The following CNNM1 variants were observed in gnomAD, a reference collection of about 807,000 sequenced individuals.
CNNM1 encodes metal transporter CNNM1.
A neutral mutation model predicts 78.8 loss-of-function variants in CNNM1; 44 were observed. That is an observed-to-expected ratio of 0.56 (90% CI 0.44 to 0.72). The LOEUF (loss-of-function observed/expected upper bound fraction) is 0.72, where lower values mean the gene tolerates loss of function less well. Among genes scored for constraint, CNNM1 ranks in the 30% least tolerant of loss-of-function variants. The probability of loss-of-function intolerance (pLI) is 0.00; values close to 1 mark genes in which losing one functional copy is unlikely to be tolerated. For synonymous variants in CNNM1, 584 were observed against 581.5 expected, an observed-to-expected ratio of 1.00 and a Z score of -0.06; for missense variants, 1,101 against 1,292.2, an observed-to-expected ratio of 0.85 and a Z score of 2.27.
intron 1 of CNNM1, among the ~76,000 whole-genome samples, chr10:99,340,160 G>A (rs1474407160): frequency 1.3e-5 from 2 of 152,118 alleles, no homozygotes; most frequent in Non-Finnish European, 2.9e-5. Flanking sequence ...TAAACTTGTG[G>A]GGTTTTTTTC....
At chr10:99,390,248 T>C (rs1292298344) in intron 9 of CNNM1, 58 bp from the exon 10 acceptor site, 7 of 1,241,648 alleles carry the variant, frequency 5.6e-6, no homozygotes, top group Non-Finnish European at 5.8e-6. Flanking sequence ...AATCACCCTC[T>C]CTTGATGCCT....
chr10:99,377,901 G>A (rs1265946563), intron 7 of CNNM1, among the ~76,000 whole-genome samples: 1 of 151,884 alleles, frequency 6.6e-6, no homozygotes, highest in African/African-American at 2.4e-5. Flanking sequence ...CCCCTCACTG[G>A]GATTGGCATT....
chr10:99,372,899 G>C (rs551023267), intron 6 of CNNM1, among the ~76,000 whole-genome samples: 3 of 151,996 alleles, frequency 2.0e-5, no homozygotes, highest in Admixed American at 2.0e-4. Context: ...CAATTGTATC[G>C]TTTGGTGTTG....
At chr10:99,331,650 C>A (rs867146973) in intron 1 of CNNM1, among the ~76,000 whole-genome samples, 3 of 152,092 alleles carry the variant, frequency 2.0e-5, no homozygotes, top group Non-Finnish European at 4.4e-5. Context: ...GAGGATTACT[C>A]GAGCCCAGGA....
intron 7 of CNNM1, among the ~76,000 whole-genome samples, chr10:99,386,831 G>T (rs73328368): frequency 0.035 from 5,351 of 152,218 alleles, 287 homozygotes; most frequent in African/African-American, 0.12. Flanking sequence ...TACCAATTCT[G>T]CCCCAAAGGA....
intron 1 of CNNM1, among the ~76,000 whole-genome samples, chr10:99,350,755 C>T (rs946394572): frequency 1.3e-5 from 2 of 152,118 alleles, no homozygotes; most frequent in Non-Finnish European, 2.9e-5. Flanking sequence ...GTATTAAGCC[C>T]AGCATACATT....
intron 1 of CNNM1, among the ~76,000 whole-genome samples, chr10:99,333,940 GAAGC>G: frequency 6.6e-6 from 1 of 152,338 alleles, no homozygotes; most frequent in Non-Finnish European, 1.5e-5. Context: ...GCACTAAAGA[GAAGC>G]AAGCCATTAC....
intron 2 of CNNM1, among the ~76,000 whole-genome samples, chr10:99,359,777 G>C (rs1014773139): frequency 2.6e-5 from 4 of 152,014 alleles, no homozygotes; most frequent in Non-Finnish European, 5.9e-5. Flanking sequence ...CCACAGCCCT[G>C]TTTCTCTTTA....
intron 7 of CNNM1, among the ~76,000 whole-genome samples, chr10:99,379,258 G>A (rs75762262): frequency 1.5e-3 from 233 of 152,322 alleles, no homozygotes; most frequent in African/African-American, 5.3e-3. Flanking sequence ...GCTGCCCTTC[G>A]GGAGCTCACA....
intron 6 of CNNM1, among the ~76,000 whole-genome samples, chr10:99,365,441 A>T (rs2031583472): frequency 6.6e-6 from 1 of 152,124 alleles, no homozygotes; most frequent in Non-Finnish European, 1.5e-5. Flanking sequence ...AGATTTGGGG[A>T]TGTAAGTTCC....
At chr10:99,375,393 C>T (rs942102582) in intron 6 of CNNM1, among the ~76,000 whole-genome samples, 9 of 152,032 alleles carry the variant, frequency 5.9e-5, no homozygotes, top group South Asian at 2.1e-4. Flanking sequence ...TCAGATGGAT[C>T]GCAAGGCTGC....
In CNNM1 at chr10:99,390,378, A is replaced by T; in HGVS notation, c.2747A>T (p.Asn916Ile). The stretch of plus-strand genomic sequence containing the variant: ...CCCTGCAGTAGCGATTTTGAGGAAA[A>T]CGTGGGCAAGAAGCTGCTGAGAACC... ...TSPCSSDFEE[N>I]VGKKLLRTLS... The change falls in exon 10 of 11, where the codon AAC becomes ATC. Residue 916 changes from asparagine to isoleucine, a missense_variant. Coordinates refer to ENST00000356713, the MANE Select transcript of CNNM1 (RefSeq NM_020348.3). 1 of 1,612,968 alleles carries T rather than the reference A, an allele frequency of 6.2e-7. No homozygotes were observed. Among genetic ancestry groups the T allele is most frequent in the Non-Finnish European group, 8.5e-7 (1 of 1,179,474 alleles).
chr10:99,384,821 T>G (rs1468905784), intron 7 of CNNM1, among the ~76,000 whole-genome samples: 1 of 152,118 alleles, frequency 6.6e-6, no homozygotes, highest in African/African-American at 2.4e-5. Flanking sequence ...ATCCCAGCAC[T>G]TTGGGAGGCT....
rs370738624 is a variant in CNNM1, at chr10:99,362,185, C to T, written c.1859-42C>T. The T allele has an allele frequency of 2.6e-6, 4 of 1,553,424 alleles. No homozygotes were observed. In the African/African-American group the frequency reaches 4.1e-5, roughly 16 times the overall value. On this transcript the variant is annotated intron_variant, in intron 3 of 10. Transcript: ENST00000356713. ...TGCCACTGCTGGAATGGGTGGGACA[C>T]AGCTGATGCTGATTCCTCCCTTCCC...
At chr10:99,359,768 C>G (rs1477255509) in intron 2 of CNNM1, among the ~76,000 whole-genome samples, 1 of 152,076 alleles carries the variant, frequency 6.6e-6, no homozygotes, top group African/African-American at 2.4e-5. Flanking sequence ...GACGTTCCCC[C>G]ACAGCCCTGT....
In CNNM1 at chr10:99,338,671, A is replaced by G. The variant is rs556592145; in HGVS notation, c.1573+7711A>G. ...ATATAGAATAGTAGAAAAAAGAAGT[A>G]TGAAAATCATATGAGGATAATCATC... is the stretch of plus-strand genomic sequence containing the variant. On this transcript the variant is annotated intron_variant, in intron 1 of 10. Coordinates refer to ENST00000356713, the MANE Select transcript of CNNM1 (RefSeq NM_020348.3). Among the ~76,000 whole-genome samples the G allele has an allele frequency of 2.0e-5, 3 of 152,304 alleles. No homozygotes were observed. In the East Asian group the frequency reaches 5.8e-4, roughly 29 times the overall value.
rs1389319613 is a variant in CNNM1, at chr10:99,391,688, C to T, written c.*172C>T. ...TTTGGCAGATTTTCCCTCGTTACCT[C>T]CAGTTCGACTCAGAACCTTGACATG... On this transcript the variant is annotated 3_prime_UTR_variant, in exon 11 of 11. Transcript: ENST00000356713. 1 of 592,482 alleles carries T rather than the reference C, an allele frequency of 1.7e-6. No homozygotes were observed. Among genetic ancestry groups the T allele is most frequent in the Non-Finnish European group, 3.0e-6 (1 of 332,370 alleles). The allele number at this position is 592,482 out of a possible 1,614,324, so 36.7% of individuals were successfully genotyped here. A position where few individuals can be genotyped will look rare whatever the true frequency, so the allele number is the denominator to read the frequency against.
At chr10:99,388,051 A>G in intron 8 of CNNM1, 48 bp downstream of exon 8, 1 of 1,577,722 alleles carries the variant, frequency 6.3e-7, no homozygotes, top group Non-Finnish European at 8.6e-7. Context: ...TGGGGTGAGG[A>G]TGACCCTGCC....
chr10:99,340,121 T>G (rs929340696), intron 1 of CNNM1, among the ~76,000 whole-genome samples: 2 of 152,200 alleles, frequency 1.3e-5, no homozygotes, highest in Non-Finnish European at 2.9e-5. Context: ...TGAAAGGAAA[T>G]GAAAAAGTGA....
Sources: gnomAD v4.1 joint callset for allele counts (sites outside exome capture counted in the v4.1 genomes callset) on GRCh38, gnomAD v4.1.1 for gene constraint, MANE v1.5 for transcripts, NCBI Gene and HGNC (gene_info 2026-07-23, HGNC 2026-07-21) for gene names.